DRD3: variants seen among roughly 807,000 people sequenced by gnomAD.
DRD3 encodes the protein D(3) dopamine receptor.
A neutral mutation model predicts 36.3 loss-of-function variants in DRD3; 19 were observed. The observed-to-expected ratio is 0.52, with a 90% confidence interval of 0.36 to 0.77. DRD3 has a LOEUF of 0.77. DRD3 is among the 30% of genes least tolerant of loss of function. DRD3 has a pLI of 0.00. For missense variants in DRD3, 465 were observed against 505.3 expected (o/e 0.92, Z 0.77); for synonymous variants, 195 against 203.7 (o/e 0.96, Z 0.36).
chr3:114,159,458 C>A (rs534712881), intron 3 of DRD3, among the ~76,000 whole-genome samples: 1 of 151,856 alleles, frequency 6.6e-6, no homozygotes, highest in South Asian at 2.1e-4. Context: ...GGGAAGCTTT[C>A]CTTCCTATTA....
chr3:114,190,664 C>A (rs531758615), intron 1 of DRD3, among the ~76,000 whole-genome samples: 1 of 142,374 alleles, frequency 7.0e-6, no homozygotes, highest in Non-Finnish European at 1.5e-5. Context: ...ACCTGATATG[C>A]ATTTAAAAAT....
chr3:114,145,699 C>T (rs1355345027), intron 4 of DRD3, among the ~76,000 whole-genome samples: 1 of 152,138 alleles, frequency 6.6e-6, no homozygotes, highest in Non-Finnish European at 1.5e-5. Context: ...ATTATATAGA[C>T]TCCAAATTTG....
upstream of DRD3, among the ~76,000 whole-genome samples, chr3:114,183,961 A>G (rs1247982616): frequency 6.6e-6 from 1 of 152,108 alleles, no homozygotes; most frequent in Non-Finnish European, 1.5e-5. Flanking sequence ...ATTTACATTT[A>G]AAGAAATTAC....
intron 5 of DRD3, among the ~76,000 whole-genome samples, chr3:114,138,015 A>AAG (rs1432583839): frequency 6.8e-6 from 1 of 146,378 alleles, no homozygotes; most frequent in East Asian, 2.0e-4. Flanking sequence ...AAAAAAAAAA[A>AAG]AAAATTAGCC....
Position 114,145,169 on chromosome 3 carries a change from G to A in DRD3, c.526+2246C>T, listed in dbSNP as rs1388363982. Among the ~76,000 whole-genome samples the A allele has an allele frequency of 3.9e-5, 6 of 152,168 alleles. No individual in the cohort carries two copies. In the East Asian group the frequency reaches 9.7e-4, roughly 25 times the overall value. ...TTTGCTTTTGGCTAGAGGGTAAGAAGTGCCTTGGTCTAGCAGTGGTGAGTT... is the reference window on the plus strand; with the variant it reads ...TTTGCTTTTGGCTAGAGGGTAAGAAATGCCTTGGTCTAGCAGTGGTGAGTT... On this transcript the variant is annotated intron_variant, in intron 4 of 6. Transcript: ENST00000383673.
intron 1 of DRD3, chr3:114,176,036 G>A (rs1464933150): frequency 1.3e-5 from 2 of 152,256 alleles, no homozygotes; most frequent in South Asian, 2.1e-4. Flanking sequence ...AAAGGCAGGG[G>A]AACAGAGAGT....
chr3:114,174,475 A>C (rs1206938843), intron 1 of DRD3, among the ~76,000 whole-genome samples: 2 of 152,236 alleles, frequency 1.3e-5, no homozygotes, highest in Non-Finnish European at 2.9e-5. Context: ...AGTATAGCTG[A>C]ATGCCAGTGG....
chr3:114,146,646 C>G (rs1018654286), intron 4 of DRD3, among the ~76,000 whole-genome samples: 1 of 149,818 alleles, frequency 6.7e-6, no homozygotes, highest in Non-Finnish European at 1.5e-5. Context: ...TTGCAGTGAG[C>G]CTAGATTGTG....
rs183291769 is a variant in DRD3 at position 114,198,474 on chromosome 3, T to C, written c.-156+799A>G. ...TCAATTTCCAATTGCTTGTTGCTAT[T>C]ATATAGAAATACAATTGCTTTTTAT... On this transcript the variant is annotated intron_variant, in intron 1 of 7. Coordinates refer to the DRD3 transcript ENST00000460779. Among the ~76,000 whole-genome samples the C allele has an allele frequency of 9.2e-5, 14 of 152,312 alleles. No homozygotes were observed. In the East Asian group the frequency reaches 2.7e-3, roughly 29 times the overall value.
At chr3:114,155,908 T>G (rs1269457735) in intron 3 of DRD3, among the ~76,000 whole-genome samples, 2 of 152,086 alleles carry the variant, frequency 1.3e-5, no homozygotes, top group Non-Finnish European at 2.9e-5. Context: ...CTTTCCTCCT[T>G]GGAGTTCTCT....
chr3:114,146,443 C>T (rs371477649), intron 4 of DRD3, among the ~76,000 whole-genome samples: 31 of 152,186 alleles, frequency 2.0e-4, no homozygotes, highest in Admixed American at 5.9e-4. Context: ...GCTGGCCGAA[C>T]GCGGTGGCTC....
At chr3:114,178,388 CT>C (rs1384222172) in intron 1 of DRD3, among the ~76,000 whole-genome samples, 6 of 152,066 alleles carry the variant, frequency 3.9e-5, no homozygotes, top group African/African-American at 1.4e-4. Flanking sequence ...TGTTTTCTAT[CT>C]TTTAATTCTT....
At chr3:114,183,893 A>G (rs1350968423), upstream of DRD3, among the ~76,000 whole-genome samples, 2 of 152,018 alleles carry the variant, frequency 1.3e-5, no homozygotes, top group African/African-American at 2.4e-5. Context: ...ATATCCAGCA[A>G]TCATGTGTTT....
At chr3:114,156,757 TTC>T (rs1204537017) in intron 3 of DRD3, among the ~76,000 whole-genome samples, 19 of 102,902 alleles carry the variant, frequency 1.8e-4, no homozygotes, top group African/African-American at 6.4e-4. Flanking sequence ...CTTTCTTTCT[TTC>T]TTTCTTTCTT....
At position 114,198,341 on chromosome 3, in the gene DRD3, C is replaced by T. The variant is rs763355838; in HGVS notation, c.-156+932G>A. 1.7e-4 allele frequency among the ~76,000 whole-genome samples: 26 copies of T among 151,892 alleles called. No individual in the cohort carries two copies. The East Asian group carries it at 2.1e-3, about 12-fold the overall frequency. ...GCCTCCTGGGTTCAAGTAATCCTCC[C>T]GCCTCACCTGGTCTCGAAGTCCTGA... On this transcript the variant is annotated intron_variant, in intron 1 of 7. Transcript: ENST00000460779.
chr3:114,184,694 C>G (rs2077966096), intron 1 of DRD3, among the ~76,000 whole-genome samples: 1 of 149,182 alleles, frequency 6.7e-6, no homozygotes, highest in Admixed American at 6.9e-5. Context: ...CCCCAAGTAG[C>G]TGGGACTACA....
intron 1 of DRD3, among the ~76,000 whole-genome samples, chr3:114,173,789 C>G (rs1445939024): frequency 6.6e-6 from 1 of 152,200 alleles, no homozygotes; most frequent in Non-Finnish European, 1.5e-5. Flanking sequence ...TTGGTTACAA[C>G]TTTAAAATAT....
At chr3:114,146,747 A>T (rs1023901017) in intron 4 of DRD3, among the ~76,000 whole-genome samples, 12 of 151,970 alleles carry the variant, frequency 7.9e-5, no homozygotes, top group African/African-American at 2.9e-4. Flanking sequence ...TAGTGAGGCT[A>T]AAAGATGGAC....
intron 1 of DRD3, among the ~76,000 whole-genome samples, chr3:114,187,042 A>G (rs2077979487): frequency 6.6e-6 from 1 of 152,224 alleles, no homozygotes; most frequent in Non-Finnish European, 1.5e-5. Context: ...TGGGTGAGAC[A>G]TGTTTCAACT....
Sources: gnomAD v4.1 joint callset for allele counts (sites outside exome capture counted in the v4.1 genomes callset) on GRCh38, gnomAD v4.1.1 for gene constraint, MANE v1.5 for transcripts, NCBI Gene and HGNC (gene_info 2026-07-23, HGNC 2026-07-21) for gene names.